The following PPP1R1C variants were observed in gnomAD, a reference collection of about 807,000 sequenced individuals.
PPP1R1C encodes protein phosphatase 1 regulatory subunit 1C.
In PPP1R1C, 15 loss-of-function variants were observed where a neutral mutation model predicts 17.4. The observed-to-expected ratio is 0.86, with a 90% CI of 0.58 to 1.33. The LOEUF is 1.33. Ranked by LOEUF, PPP1R1C falls within the 40% of genes most tolerant of loss-of-function variation. PPP1R1C has a pLI of 0.00. For missense variants in PPP1R1C, 143 were observed against 130.0 expected (o/e 1.10, Z -0.48); for synonymous variants, 35 against 43.1 (o/e 0.81, Z 0.73).
intron 2 of PPP1R1C, among the ~76,000 whole-genome samples, chr2:182,020,414 T>C (rs941705944): frequency 9.2e-5 from 14 of 152,220 alleles, no homozygotes; most frequent in African/African-American, 3.4e-4. Context: ...TCTGTCTTTT[T>C]GAGAGCCACA....
At position 181,962,654 on chromosome 2, in the gene PPP1R1C, G is replaced by A. The variant is rs138509748; in HGVS notation, n.111+8020G>A. Among the ~76,000 whole-genome samples the A allele has an allele frequency of 5.0e-3, 765 of 152,322 alleles. 8 individuals carry two copies. The highest frequency in any genetic ancestry group is 0.018 in the African/African-American group (729 of 41,570). On this transcript the variant is annotated intron_variant and non_coding_transcript_variant, in intron 1 of 5. Transcript: ENST00000464264. The surrounding 1 kb of genome is among the most constrained non-coding windows in gnomAD (Gnocchi z 6.0). The stretch of plus-strand genomic sequence containing the variant: ...TTAAAGACTTTATTTGAATAATCTG[G>A]GTCCCACCCTCTAGCCTCAATAAGC...
At chr2:181,989,818 C>T (rs1041859148) in intron 2 of PPP1R1C, among the ~76,000 whole-genome samples, 1 of 152,266 alleles carries the variant, frequency 6.6e-6, no homozygotes, top group East Asian at 1.9e-4. Flanking sequence ...CCTGCATCTT[C>T]CTCCCCCTTT....
At chr2:182,019,692 G>A (rs763403257) in intron 2 of PPP1R1C, among the ~76,000 whole-genome samples, 3 of 152,138 alleles carry the variant, frequency 2.0e-5, no homozygotes, top group Non-Finnish European at 2.9e-5. Context: ...TAACAAATCA[G>A]TGGCAGAGCT....
intron 2 of PPP1R1C, among the ~76,000 whole-genome samples, chr2:182,016,461 G>T (rs935616270): frequency 6.6e-6 from 1 of 152,124 alleles, no homozygotes; most frequent in Non-Finnish European, 1.5e-5. Flanking sequence ...TGGCCATCTT[G>T]CTCTGCTACC....
At chr2:181,986,249 C>T in intron 1 of PPP1R1C, 58 bp downstream of exon 1, 1 of 1,285,342 alleles carries the variant, frequency 7.8e-7, no homozygotes, top group East Asian at 2.3e-5. Flanking sequence ...AACATGCATT[C>T]TGGTTATTAA....
intron 2 of PPP1R1C, among the ~76,000 whole-genome samples, chr2:182,037,239 C>G (rs1687039034): frequency 6.6e-6 from 1 of 152,154 alleles, no homozygotes; most frequent in Admixed American, 6.5e-5. Context: ...AGAAATTCTC[C>G]TCCAAGTGAG....
chr2:182,076,002 T>C (rs976988381), intron 4 of PPP1R1C, among the ~76,000 whole-genome samples: 2 of 151,856 alleles, frequency 1.3e-5, no homozygotes, highest in Non-Finnish European at 2.9e-5. Flanking sequence ...GTTTAAATGC[T>C]TTTTTTAGTA....
chr2:182,073,434 G>T (rs1688197369), intron 4 of PPP1R1C, among the ~76,000 whole-genome samples: 2 of 152,164 alleles, frequency 1.3e-5, no homozygotes, highest in Non-Finnish European at 2.9e-5. Context: ...TTCATTCACT[G>T]ACTCACACCT....
intron 1 of PPP1R1C, among the ~76,000 whole-genome samples, chr2:181,965,781 T>C (rs1023810449): frequency 6.6e-6 from 1 of 152,212 alleles, no homozygotes; most frequent in Non-Finnish European, 1.5e-5. Flanking sequence ...GCTTTGGCTA[T>C]TCTGGATCTT....
chr2:181,996,702 C>G (rs975961568), intron 2 of PPP1R1C, among the ~76,000 whole-genome samples: 8 of 152,122 alleles, frequency 5.3e-5, no homozygotes, highest in Admixed American at 1.3e-4. Flanking sequence ...TATAATCTTT[C>G]ATGTTTTTTT....
chr2:181,990,018 AAAC>A (rs749661382), intron 2 of PPP1R1C, among the ~76,000 whole-genome samples: 19 of 152,312 alleles, frequency 1.2e-4, no homozygotes, highest in Non-Finnish European at 2.2e-4. Flanking sequence ...TCTAAAGATA[AAAC>A]AACAACAACA....
chr2:182,111,277 A>G (rs1689408622), intron 4 of PPP1R1C, among the ~76,000 whole-genome samples: 1 of 152,112 alleles, frequency 6.6e-6, no homozygotes, highest in Non-Finnish European at 1.5e-5. Flanking sequence ...TGTTGTCCCT[A>G]TTTCCATGGA....
At chr2:182,042,566 A>G (rs1006607819) in intron 2 of PPP1R1C, among the ~76,000 whole-genome samples, 2 of 152,188 alleles carry the variant, frequency 1.3e-5, no homozygotes, top group African/African-American at 4.8e-5. Context: ...CTGTCCCCCA[A>G]GAGCATTAAC....
upstream of PPP1R1C, chr2:181,954,503 T>C (rs1360055817): frequency 5.9e-5 from 9 of 152,192 alleles, no homozygotes; most frequent in Admixed American, 5.9e-4. Flanking sequence ...AACTGCTAGG[T>C]ACTCCTTTTG....
intron 2 of PPP1R1C, among the ~76,000 whole-genome samples, chr2:182,057,015 TA>T (rs1458606511): frequency 6.6e-6 from 1 of 152,202 alleles, no homozygotes; most frequent in Non-Finnish European, 1.5e-5. Context: ...TAAAAATTGT[TA>T]AAAGTATGTA....
intron 4 of PPP1R1C, among the ~76,000 whole-genome samples, chr2:182,073,542 G>GA (rs1688200391): frequency 6.6e-6 from 1 of 152,140 alleles, no homozygotes; most frequent in African/African-American, 2.4e-5. Context: ...CTGTTTATAT[G>GA]AAAAATGTTG....
At chr2:182,108,847 G>A (rs1237216015) in intron 4 of PPP1R1C, among the ~76,000 whole-genome samples, 1 of 152,078 alleles carries the variant, frequency 6.6e-6, no homozygotes, top group Non-Finnish European at 1.5e-5. Context: ...CAGGTTTTTT[G>A]TGTGGACATC....
chr2:182,124,327 G>GTTTTTTTTTTGTTTTTTTTTTTTTTTTTT (rs1689816316), intron 5 of PPP1R1C, among the ~76,000 whole-genome samples: 2 of 83,008 alleles, frequency 2.4e-5, no homozygotes, highest in Non-Finnish European at 4.3e-5. Context: ...TTTTTTTTTT[G>GTTTTTTTTTTGTTTTTTTTTTTTTTTTTT]TTTTTTTTTT....
At chr2:182,029,416 CA>C (rs1686742425) in intron 2 of PPP1R1C, among the ~76,000 whole-genome samples, 1 of 148,246 alleles carries the variant, frequency 6.7e-6, no homozygotes, top group Non-Finnish European at 1.5e-5. Flanking sequence ...TGGTGGTGAC[CA>C]AATCTCTCAG....
Sources: gnomAD v4.1 joint callset for allele counts (sites outside exome capture counted in the v4.1 genomes callset) on GRCh38, gnomAD v4.1.1 for gene constraint, Gnocchi (gnomAD v3.1) non-coding constraint, MANE v1.5 for transcripts, NCBI Gene and HGNC (gene_info 2026-07-23, HGNC 2026-07-21) for gene names.